The following JAK2 variants were observed in gnomAD, a reference collection of about 807,000 sequenced individuals.
The protein encoded by JAK2 is tyrosine-protein kinase JAK2.
In JAK2, 86 loss-of-function variants were observed where a neutral mutation model predicts 139.3. The ratio of observed to expected loss-of-function variants is 0.62; its 90% CI spans 0.52 to 0.74. JAK2 has a LOEUF of 0.74. Among genes scored for constraint, JAK2 ranks in the 30% least tolerant of loss-of-function variants. JAK2 has a pLI of 0.00. For missense variants in JAK2, 1,421 were observed against 1,360.3 expected (o/e 1.04, Z -0.70); for synonymous variants, 490 against 437.7 (o/e 1.12, Z -1.49).
At chr9:5,122,974 G>A in intron 22 of JAK2, 30 bp from the exon 23 acceptor site, 1 of 1,403,450 alleles carries the variant, frequency 7.1e-7, no homozygotes, top group Non-Finnish European at 9.9e-7. Flanking sequence ...TCAAGTAACT[G>A]TCTTTTAAAT....
At chr9:5,094,839 T>C (rs1820861647) in intron 22 of JAK2, 3 of 152,162 alleles carry the variant, frequency 2.0e-5, no homozygotes, top group Admixed American at 6.5e-5. Context: ...CTCTGTACCA[T>C]AAATTTCATT....
intron 2 of JAK2, among the ~76,000 whole-genome samples, chr9:4,994,741 A>G (rs911918107): frequency 1.3e-5 from 2 of 152,174 alleles, no homozygotes; most frequent in Admixed American, 6.5e-5. Flanking sequence ...TGCTCTGCCA[A>G]TTCCCAATTT....
chr9:5,004,496 T>C (rs1328169490), intron 2 of JAK2, among the ~76,000 whole-genome samples: 2 of 152,346 alleles, frequency 1.3e-5, no homozygotes, highest in East Asian at 3.9e-4. Context: ...AATTATATTC[T>C]ATTGTGTACA....
intron 22 of JAK2, among the ~76,000 whole-genome samples, chr9:5,105,134 T>C (rs1821846781): frequency 6.6e-6 from 1 of 152,216 alleles, no homozygotes; most frequent in South Asian, 2.1e-4. Context: ...TGTTTGCAGA[T>C]GACACGACTG....
At chr9:5,041,024 G>T in intron 4 of JAK2, 1 of 669,534 alleles carries the variant, frequency 1.5e-6, no homozygotes, top group Non-Finnish European at 2.7e-6. Flanking sequence ...CTGCACCTGG[G>T]TACCGGTTCT....
intron 4 of JAK2, among the ~76,000 whole-genome samples, chr9:5,035,864 T>C (rs1352482655): frequency 1.3e-5 from 2 of 152,200 alleles, no homozygotes; most frequent in African/African-American, 4.8e-5. Context: ...CAACATAGTG[T>C]TGGAAGTTCT....
chr9:5,090,338 C>T (rs2130679136), intron 20 of JAK2, 108 bp from the exon 21 acceptor site: 1 of 795,776 alleles, frequency 1.3e-6, no homozygotes, highest in Non-Finnish European at 1.8e-6. Flanking sequence ...AAAGTTTTGT[C>T]ATCTTAGATT....
chr9:4,998,213 T>C (rs1230049478), intron 2 of JAK2, among the ~76,000 whole-genome samples: 6 of 152,084 alleles, frequency 3.9e-5, no homozygotes, highest in African/African-American at 1.4e-4. Context: ...TGGAATATGA[T>C]GGTATTGAAA....
At position 5,048,957 on chromosome 9, in the gene JAK2, C is replaced by A. The variant is rs558538769; in HGVS notation, c.469-1729C>A. Among the ~76,000 whole-genome samples, 5 of 152,162 alleles carry A rather than the reference C, an allele frequency of 3.3e-5. No homozygotes were observed. The South Asian group carries it at 1.0e-3, about 32-fold the overall frequency. On this transcript the variant is annotated intron_variant, in intron 5 of 24. Transcript: ENST00000381652. ...TATGTTTAGAATATTTGTACTTCTG[C>A]TTTCTTTTTCTTTCTCCCATTACAT...
chr9:5,080,400 G>A lies in JAK2; in HGVS notation c.2283+20G>A. ...CAAAGAGTAAGTTTATATAGACTAA[G>A]TTAGAATTACTCTATCTCTGAACTT... On this transcript the variant is annotated intron_variant, in intron 17 of 24. Coordinates refer to ENST00000381652, the MANE Select transcript of JAK2 (RefSeq NM_004972.4). 1 of 1,585,838 alleles carries A rather than the reference G, an allele frequency of 6.3e-7. No homozygotes were observed.
rs761937412 is a variant in JAK2 at position 5,090,452 on chromosome 9, G to A, written c.2768G>A (p.Arg923His). The A allele has an allele frequency of 5.7e-5, 89 of 1,552,946 alleles. No individual in the cohort carries two copies. The highest frequency in any genetic ancestry group is 6.5e-5 in the Non-Finnish European group (75 of 1,146,962). The change falls in exon 21 of 25, where the codon CGT becomes CAT. Residue 923 changes from arginine to histidine, a missense_variant. Arg to His is a conservative substitution (Grantham distance 29). Coordinates refer to ENST00000381652, the MANE Select transcript of JAK2 (RefSeq NM_004972.4). ...YKGVCYSAGR[R>H]NLKLIMEYLP... ...TCCACCTTTATGTTAAAAGGTCGGC[G>A]TAATCTAAAATTAATTATGGAATAT...
intron 18 of JAK2, 136 bp from the exon 19 acceptor site, chr9:5,081,589 T>C (rs1016356557): frequency 2.9e-5 from 18 of 613,376 alleles, no homozygotes; most frequent in African/African-American, 1.3e-4. Context: ...ATTAATATAA[T>C]TGAAACTATT....
chr9:5,022,269 T>C, intron 3 of JAK2, 56 bp downstream of exon 3: 1 of 1,190,624 alleles, frequency 8.4e-7, no homozygotes, highest in South Asian at 1.2e-5. Flanking sequence ...TTAATTATGC[T>C]ATGCTAATAC....
At chr9:5,021,926 C>G in intron 2 of JAK2, 37 bp from the exon 3 acceptor site, 1 of 1,285,652 alleles carries the variant, frequency 7.8e-7, no homozygotes, top group Non-Finnish European at 1.1e-6. Context: ...AGACACTGCG[C>G]CCAGCCCATT....
At chr9:5,021,515 T>C (rs188544002) in intron 2 of JAK2, among the ~76,000 whole-genome samples, 1 of 152,382 alleles carries the variant, frequency 6.6e-6, no homozygotes, top group Admixed American at 6.5e-5. Flanking sequence ...TATGTAGTAA[T>C]ACACGATATT....
chr9:5,086,133 C>T (rs1248551857), intron 19 of JAK2: 4 of 390,400 alleles, frequency 1.0e-5, no homozygotes, highest in Non-Finnish European at 1.8e-5. Flanking sequence ...CGCGCGGCCC[C>T]GGCGGCCCCG....
At chr9:5,023,693 T>C (rs1822586678) in intron 3 of JAK2, among the ~76,000 whole-genome samples, 2 of 152,234 alleles carry the variant, frequency 1.3e-5, no homozygotes, top group Non-Finnish European at 2.9e-5. Context: ...TCCTTGCTTT[T>C]CTGTTGAATA....
At chr9:5,038,614 G>A (rs1167069014) in intron 4 of JAK2, among the ~76,000 whole-genome samples, 3 of 122,680 alleles carry the variant, frequency 2.4e-5, no homozygotes, top group African/African-American at 9.0e-5. Flanking sequence ...TTTTTTTTTT[G>A]GATTTTAGAA....
Position 5,085,743 on chromosome 9 carries a change from C to T in JAK2, c.2571+3882C>T, listed in dbSNP as rs181936397. Reference sequence around the variant, plus strand: ...CATTTCTGCAATTAAGGCTGTGGCGCGCTGGCTAGCTTGCACATGTCGGGA... The same window carrying T: ...CATTTCTGCAATTAAGGCTGTGGCGTGCTGGCTAGCTTGCACATGTCGGGA... On this transcript the variant is annotated intron_variant, in intron 19 of 24. Transcript: ENST00000381652. The T allele has an allele frequency of 1.2e-3, 879 of 753,482 alleles. 5 individuals carry two copies. In the African/African-American group the frequency reaches 0.013, roughly 12 times the overall value. 46.7% of individuals were successfully genotyped at this position (753,482 alleles called of 1,614,324 possible). A position where few individuals can be genotyped will look rare whatever the true frequency, so the allele number is the denominator to read the frequency against.
Sources: allele counts gnomAD v4.1 joint callset (sites outside exome capture counted in the v4.1 genomes callset), GRCh38; gene constraint gnomAD v4.1.1; transcripts MANE v1.5; gene names NCBI Gene and HGNC (gene_info 2026-07-23, HGNC 2026-07-21).